Variants in SH3BP1 observed in about 807,000 individuals in gnomAD.
The protein encoded by SH3BP1 is SH3 domain-binding protein 1.
In SH3BP1, 46 loss-of-function variants were observed where a neutral mutation model predicts 69.8. The observed-to-expected ratio is 0.66, with a 90% CI of 0.52 to 0.84. The LOEUF (loss-of-function observed/expected upper bound fraction) is 0.84. Ranked by LOEUF, SH3BP1 falls within the 40% of genes least tolerant of loss-of-function variation. SH3BP1 has a pLI of 0.00. For missense variants in SH3BP1, 868 were observed against 930.9 expected, an observed-to-expected ratio of 0.93 and a Z score of 0.88; for synonymous variants, 403 against 378.0, an observed-to-expected ratio of 1.07 and a Z score of -0.77.
chr22:37,654,282 G>T (rs1172889990), intron 17 of SH3BP1, among the ~76,000 whole-genome samples: 1 of 152,140 alleles, frequency 6.6e-6, no homozygotes, highest in African/African-American at 2.4e-5. Context: ...TCAAAGGGCA[G>T]TGAAGGGGCT....
At chr22:37,644,373 C>T (rs902069667) in intron 7 of SH3BP1, among the ~76,000 whole-genome samples, 3 of 152,190 alleles carry the variant, frequency 2.0e-5, no homozygotes, top group Non-Finnish European at 4.4e-5. Flanking sequence ...TGTGAGACTC[C>T]GTCTCAAACG....
chr22:37,649,414 G>A (rs1266367443), intron 14 of SH3BP1, among the ~76,000 whole-genome samples: 1 of 152,044 alleles, frequency 6.6e-6, no homozygotes, highest in Admixed American at 6.6e-5. Flanking sequence ...TGGGCCCAGG[G>A]AGTCAAGGCT....
chr22:37,655,580 G>A lies in SH3BP1; in HGVS notation c.2002G>A (p.Ala668Thr). 6.3e-7 allele frequency: 1 copy of A among 1,593,080 alleles called. No individual in the cohort carries two copies. The highest frequency in any genetic ancestry group is 2.3e-5 in the East Asian group (1 of 44,122). ...CCCTGCACAGGTGGACCTGGGGGCT[G>A]CCACAGCAGAGGGAGGAGCCCCTGA... The part of the protein sequence containing the change: ...SNPAQVDLGA[A>T]TAEGGAPEAI... The change falls in exon 18 of 18, where the codon GCC becomes ACC. Residue 668 changes from alanine (A) to threonine (T), a missense_variant. Physicochemically the swap from Ala to Thr is moderately conservative, Grantham distance 58. Coordinates refer to ENST00000649765, the MANE Select transcript of SH3BP1 (RefSeq NM_018957.6).
In SH3BP1 at chr22:37,653,112, G is replaced by A. The variant is rs1480800306; in HGVS notation, c.1599-667G>A. Among the ~76,000 whole-genome samples the A allele has an allele frequency of 4.6e-5, 7 of 151,982 alleles. No homozygotes were observed. In the East Asian group the frequency reaches 9.7e-4, roughly 21 times the overall value. ...AGATCATGCCATCGCACTCCAGCCT[G>A]AGCGACAGAGCGAGACTTCTCAACA... On this transcript the variant is annotated intron_variant, in intron 16 of 17. Transcript: ENST00000649765.
chr22:37,653,100 G>A (rs576268432), intron 16 of SH3BP1, among the ~76,000 whole-genome samples: 9 of 151,942 alleles, frequency 5.9e-5, no homozygotes, highest in African/African-American at 1.7e-4. Flanking sequence ...TCATGCCATC[G>A]CACTCCAGCC....
In SH3BP1 at chr22:37,655,653, G is replaced by A. The variant is rs779820861; in HGVS notation, c.2075G>A (p.Arg692His). 1.6e-5 allele frequency: 17 copies of A among 1,052,424 alleles called. No homozygotes were observed. The African/African-American group carries it at 1.8e-4, about 11-fold the overall frequency. The allele number at this position is 1,052,424 out of a possible 1,614,324, so 65.2% of individuals were successfully genotyped here. ...PTPPAIPPQP[R>H]PRSLASETN The stretch of plus-strand genomic sequence containing the variant: ...CCCCCAGCTATCCCCCCTCAGCCCC[G>A]CCCCAGGAGCCTTGCCTCAGAGACC... Residue 692 changes from arginine to histidine, a missense_variant, in exon 18 of 18, where the codon CGC (arginine) becomes CAC (histidine). Arg to His is a conservative substitution (Grantham distance 29). This residue lies in a region of SH3BP1 where 474 missense variants were observed against 462.3 expected (regional missense o/e 1.03). Transcript: ENST00000649765.
chr22:37,650,485 TG>T, intron 15 of SH3BP1, 56 bp from the exon 16 acceptor site: 1 of 1,559,638 alleles, frequency 6.4e-7, no homozygotes, highest in Non-Finnish European at 8.7e-7. Flanking sequence ...TCCCGGCCAG[TG>T]GAGTGAGGAG....
chr22:37,655,815 G>A lies in SH3BP1; in HGVS notation c.*131G>A, dbSNP rs1348720631. 40 of 1,462,508 alleles carry A rather than the reference G, an allele frequency of 2.7e-5. No individual in the cohort carries two copies. The allele number at this position is 1,462,508 out of a possible 1,614,324, so 90.6% of individuals were successfully genotyped here. A position where few individuals can be genotyped will look rare whatever the true frequency, so the allele number is the denominator to read the frequency against. On this transcript the variant is annotated 3_prime_UTR_variant, in exon 18 of 18. Coordinates refer to ENST00000649765, the MANE Select transcript of SH3BP1 (RefSeq NM_018957.6). ...GCCCACAAGTGCCTCAGTGCCCACT[G>A]GGTCGGCCCCCATGGCCAGGAGGGC...
At chr22:37,644,564 C>A in intron 7 of SH3BP1, 73 bp from the exon 8 acceptor site, 1 of 1,478,966 alleles carries the variant, frequency 6.8e-7, no homozygotes, top group Admixed American at 1.7e-5. Flanking sequence ...GTCACCAACC[C>A]TTCCAAGCCT....
Position 37,644,686 on chromosome 22 carries a change from A to G in SH3BP1, c.668A>G (p.Tyr223Cys), listed in dbSNP as rs1296097770. 4 of 1,614,242 alleles carry G rather than the reference A, an allele frequency of 2.5e-6. No homozygotes were observed. Among genetic ancestry groups the G allele is most frequent in the South Asian group, 1.1e-5 (1 of 91,090 alleles). Reference protein sequence around the residue: ...LYHFVTKEDSYANYFIRLLEI... With the variant: ...LYHFVTKEDSCANYFIRLLEI... The stretch of plus-strand genomic sequence containing the variant: ...CACTTTGTTACCAAGGAGGACTCCT[A>G]TGCCAACTACTTCATTCGTGTGAGT... The change falls in exon 8 of 18, where the codon TAT becomes TGT. Residue 223 changes from tyrosine (Y) to cysteine (C), a missense_variant. By Grantham distance (194) the Tyr-to-Cys change is radical (BLOSUM62 -2). This residue lies in a region of SH3BP1 where 387 missense variants were observed against 447.9 expected (regional missense o/e 0.86). Transcript: ENST00000649765.
chr22:37,650,477 C>T, intron 15 of SH3BP1, 65 bp from the exon 16 acceptor site: 2 of 1,551,086 alleles, frequency 1.3e-6, no homozygotes, highest in Non-Finnish European at 8.7e-7. Flanking sequence ...GGAAACGGTC[C>T]CGGCCAGTGG....
chr22:37,648,654 G>T, intron 14 of SH3BP1: 1 of 498,972 alleles, frequency 2.0e-6, no homozygotes, highest in Non-Finnish European at 3.6e-6. Context: ...TGGTGGTGAT[G>T]AGGTGTTTAG....
chr22:37,646,111 C>T (rs1399065189), intron 10 of SH3BP1, among the ~76,000 whole-genome samples: 4 of 151,774 alleles, frequency 2.6e-5, no homozygotes, highest in Non-Finnish European at 5.9e-5. Flanking sequence ...GGACTACAGG[C>T]ATGCACCACC....
chr22:37,652,098 G>A (rs1238466293), intron 16 of SH3BP1, among the ~76,000 whole-genome samples: 1 of 151,868 alleles, frequency 6.6e-6, no homozygotes, highest in Non-Finnish European at 1.5e-5. Context: ...GGCCGAGGCA[G>A]GCGAGATCGA....
At chr22:37,643,512 C>T in intron 6 of SH3BP1, 132 bp from the exon 7 acceptor site, 1 of 1,311,200 alleles carries the variant, frequency 7.6e-7, no homozygotes. Flanking sequence ...TGGGCAGAGG[C>T]CCCGGCCAGT....
intron 4 of SH3BP1, 55 bp from the exon 5 acceptor site, chr22:37,642,840 T>G: frequency 1.9e-6 from 3 of 1,595,498 alleles, no homozygotes; most frequent in Non-Finnish European, 2.6e-6. Context: ...ACCAAGTGTT[T>G]CCAGTGGAGG....
rs181412062 is a variant in SH3BP1, at chr22:37,654,898, C to T, written c.1694-374C>T. Among the ~76,000 whole-genome samples the T allele has an allele frequency of 1.1e-4, 16 of 152,254 alleles. No homozygotes were observed. In the East Asian group the frequency reaches 3.1e-3, roughly 29 times the overall value. On this transcript the variant is annotated intron_variant, in intron 17 of 17. Coordinates refer to ENST00000649765, the MANE Select transcript of SH3BP1 (RefSeq NM_018957.6). ...ACCGAGGCAGGAGGCTAGCTTGAGC[C>T]CTGGAGTTCAAGACCAGCCTGGACA...
In SH3BP1 at chr22:37,644,923, A is replaced by G; in HGVS notation, c.741A>G (p.Thr247=). The G allele has an allele frequency of 6.2e-7, 1 of 1,614,026 alleles. No homozygotes were observed. Among genetic ancestry groups the G allele is most frequent in the Middle Eastern group, 1.6e-4 (1 of 6,062 alleles). ...GCAGGTCACTGAGCTCGCTGGACAC[A>G]GCCCTGGCTGAGCTGAGGGAGAACC... is the stretch of plus-strand genomic sequence containing the variant. ...YHRRSLSSLD[T]ALAELRENHG... The change falls in exon 9 of 18, where the codon ACA becomes ACG. Residue 247 remains threonine (T), a synonymous_variant. Transcript: ENST00000649765.
chr22:37,641,276 A>G, intron 2 of SH3BP1, 98 bp from the exon 3 acceptor site: 1 of 1,509,900 alleles, frequency 6.6e-7, no homozygotes, highest in Non-Finnish European at 9.0e-7. Context: ...GTCATTCCTC[A>G]AGCTGTTGGC....
Sources: allele counts gnomAD v4.1 joint callset (sites outside exome capture counted in the v4.1 genomes callset), GRCh38; gene constraint gnomAD v4.1.1; regional missense constraint gnomAD v4.1.1; transcripts MANE v1.5; gene names NCBI Gene and HGNC (gene_info 2026-07-23, HGNC 2026-07-21).